The following AHCY variants were observed in gnomAD, a reference collection of about 807,000 sequenced individuals.
AHCY encodes S-adenosyl-L-homocysteine hydrolase.
AHCY carries 24 observed loss-of-function variants against 45.4 expected under a neutral mutation model. That is an observed-to-expected ratio of 0.53 (90% CI 0.38 to 0.74). AHCY has a LOEUF of 0.74. Among genes scored for constraint, AHCY ranks in the 30% least tolerant of loss-of-function variants. The probability of loss-of-function intolerance (pLI) is 0.00; values close to 1 mark genes in which losing one functional copy is unlikely to be tolerated. For synonymous variants in AHCY, 245 were observed against 235.1 expected, an observed-to-expected ratio of 1.04 and a Z score of -0.39; for missense variants, 449 against 594.1, an observed-to-expected ratio of 0.76 and a Z score of 2.54.
the AHCY span, among the ~76,000 whole-genome samples, chr20:34,256,077 G>A: frequency 6.6e-6 from 1 of 152,274 alleles, no homozygotes; most frequent in Admixed American, 6.5e-5. Context: ...GCCTTCTAGA[G>A]AGTGGTAGCA....
chr20:34,253,429 G>A, the AHCY span, among the ~76,000 whole-genome samples: 2 of 133,114 alleles, frequency 1.5e-5, no homozygotes, highest in Non-Finnish European at 3.0e-5. Flanking sequence ...TTTTCCCTAC[G>A]CTCTTATTTT....
chr20:34,261,905 G>C, the AHCY span, among the ~76,000 whole-genome samples: 1 of 152,148 alleles, frequency 6.6e-6, no homozygotes, highest in African/African-American at 2.4e-5. Flanking sequence ...CTGAGGTCAA[G>C]AGTTTGAGAC....
At chr20:34,291,582 T>C (rs1269974248) in intron 4 of AHCY, 51 bp from the exon 5 acceptor site, 7 of 1,503,580 alleles carry the variant, frequency 4.7e-6, no homozygotes, top group Non-Finnish European at 6.5e-6. Context: ...CCTGTGCTCA[T>C]GCAAATTCCT....
At chr20:34,306,822 A>G (rs2036900735), upstream of AHCY, among the ~76,000 whole-genome samples, 1 of 152,224 alleles carries the variant, frequency 6.6e-6, no homozygotes, top group Admixed American at 6.5e-5. Flanking sequence ...AATATATTAC[A>G]TAGTATATTA....
At chr20:34,298,216 C>T (rs1044286857) in intron 1 of AHCY, among the ~76,000 whole-genome samples, 17 of 152,006 alleles carry the variant, frequency 1.1e-4, no homozygotes, top group East Asian at 5.8e-4. Context: ...ACAGAGGACA[C>T]GAGCTGTTCC....
At chr20:34,301,899 C>T (rs2036784705) in intron 1 of AHCY, 1 of 985,424 alleles carries the variant, frequency 1.0e-6, no homozygotes, top group Non-Finnish European at 1.2e-6. Context: ...TTACGTCCAC[C>T]TCTATGAAGA....
intron 1 of AHCY, among the ~76,000 whole-genome samples, chr20:34,300,448 C>T (rs2036730831): frequency 6.6e-6 from 1 of 152,210 alleles, no homozygotes; most frequent in Admixed American, 6.5e-5. Flanking sequence ...TTTCCCCACT[C>T]ACTAGCTGTT....
At chr20:34,269,051 G>A in the AHCY span, 11 of 1,602,252 alleles carry the variant, frequency 6.9e-6, no homozygotes, top group Non-Finnish European at 9.4e-6. Context: ...GCCCTGCGTG[G>A]CCACCCGCAA....
At chr20:34,308,148 C>T (rs142449184), upstream of AHCY, among the ~76,000 whole-genome samples, 1,286 of 152,310 alleles carry the variant, frequency 8.4e-3, 19 homozygotes, top group African/African-American at 0.029. Context: ...TTTATGCATG[C>T]ATAGTATTCC....
At chr20:34,260,331 C>G in the AHCY span, 10 of 1,592,068 alleles carry the variant, frequency 6.3e-6, 1 homozygote, top group South Asian at 5.7e-5. Flanking sequence ...TACCCCTGAC[C>G]CACCCACCTG....
the AHCY span, among the ~76,000 whole-genome samples, chr20:34,259,026 G>A: frequency 6.7e-6 from 1 of 148,636 alleles, no homozygotes; most frequent in African/African-American, 2.5e-5. Flanking sequence ...AATAGAGTGA[G>A]CCTTCATCCC....
intron 1 of AHCY, among the ~76,000 whole-genome samples, chr20:34,299,030 C>T (rs938772695): frequency 3.9e-5 from 6 of 152,090 alleles, no homozygotes; most frequent in African/African-American, 9.7e-5. Flanking sequence ...TAAATAACAG[C>T]GCAGCCCAAC....
At chr20:34,293,099 T>A (rs1033214463) in intron 3 of AHCY, among the ~76,000 whole-genome samples, 4 of 152,110 alleles carry the variant, frequency 2.6e-5, no homozygotes, top group African/African-American at 9.7e-5. Flanking sequence ...CAGACATGAC[T>A]CTAAATCCTC....
the AHCY span, among the ~76,000 whole-genome samples, chr20:34,273,208 C>G: frequency 1.4e-5 from 2 of 144,244 alleles, no homozygotes; most frequent in Non-Finnish European, 3.0e-5. Context: ...CACGCATTTG[C>G]CCTTGTGGTG....
the AHCY span, among the ~76,000 whole-genome samples, chr20:34,241,793 C>G: frequency 6.6e-6 from 1 of 152,160 alleles, no homozygotes; most frequent in Admixed American, 6.5e-5. Flanking sequence ...ACCCTGACCC[C>G]AAAGTCACAC....
At chr20:34,311,758 C>G (rs1568822856) in exon 1 of AHCY, 1 of 152,582 alleles carries the variant, frequency 6.6e-6, no homozygotes, top group African/African-American at 2.4e-5. Flanking sequence ...GTCCACCCCG[C>G]TAGGGGTCTC....
the AHCY span, chr20:34,268,913 C>A: frequency 6.6e-7 from 1 of 1,515,540 alleles, no homozygotes; most frequent in South Asian, 1.2e-5. Context: ...CTCCCTAGCC[C>A]GAGGAGCTCC....
At chr20:34,251,539 G>T in the AHCY span, among the ~76,000 whole-genome samples, 2 of 152,152 alleles carry the variant, frequency 1.3e-5, no homozygotes, top group East Asian at 1.9e-4. Context: ...CTCCCAAAGT[G>T]CTGGGATTAC....
the AHCY span, among the ~76,000 whole-genome samples, chr20:34,268,142 C>T: frequency 6.6e-6 from 1 of 152,094 alleles, no homozygotes; most frequent in South Asian, 2.1e-4. Context: ...AATTCAGTTT[C>T]TAGGTTGCAC....
Sources: gnomAD v4.1 joint callset for allele counts (sites outside exome capture counted in the v4.1 genomes callset) on GRCh38, gnomAD v4.1.1 for gene constraint, MANE v1.5 for transcripts, NCBI Gene and HGNC (gene_info 2026-07-23, HGNC 2026-07-21) for gene names.